Variants in SLC2A6 observed in about 807,000 individuals in gnomAD.
SLC2A6 encodes the protein solute carrier family 2 member 6, also known as solute carrier family 2, facilitated glucose transporter member 6.
A neutral mutation model predicts 47.8 loss-of-function variants in SLC2A6; 39 were observed. That is an observed-to-expected ratio of 0.82 (90% CI 0.63 to 1.07). The LOEUF (loss-of-function observed/expected upper bound fraction) is 1.07. SLC2A6 is among the 50% of genes least tolerant of loss of function. The pLI, the probability that SLC2A6 is intolerant of heterozygous loss-of-function variation, is 0.00. For missense variants in SLC2A6, 650 were observed against 707.6 expected, an observed-to-expected ratio of 0.92 and a Z score of 0.92; for synonymous variants, 346 against 324.1, an observed-to-expected ratio of 1.07 and a Z score of -0.73.
In SLC2A6 at chr9:133,479,098, C is replaced by T. The variant is rs782467223; in HGVS notation, c.-39G>A. The T allele has an allele frequency of 4.5e-5, 68 of 1,522,982 alleles. No individual in the cohort carries two copies. The Middle Eastern group carries it at 7.0e-4, about 16-fold the overall frequency. 94.3% of individuals were successfully genotyped at this position (1,522,982 alleles called of 1,614,324 possible). A position where few individuals can be genotyped will look rare whatever the true frequency, so the allele number is the denominator to read the frequency against. On this transcript the variant is annotated 5_prime_UTR_variant, in exon 1 of 10. Coordinates refer to ENST00000371899, the MANE Select transcript of SLC2A6 (RefSeq NM_017585.4). ...TCGGGGCGAGCGGAGGGCGCTCAGA[C>T]TGGAGCAGCCGCCCGGGGCCAGCAG...
In SLC2A6 at chr9:133,477,035, C is replaced by T. The variant is rs1188181133; in HGVS notation, c.462G>A (p.Pro154=). Residue 154 remains proline, a splice_region_variant and synonymous_variant, in exon 3 of 10, where the codon CCG becomes CCA. Coordinates refer to ENST00000371899, the MANE Select transcript of SLC2A6 (RefSeq NM_017585.4). ...CCTGGGTGGGAAGGCCTGGCCTTAC[C>T]GGGATGCAGGCAGCTGTGAGCCCCC... ...FAGGLTAACI[P]VYVSEIAPPG... The T allele has an allele frequency of 3.0e-5, 46 of 1,547,234 alleles. No homozygotes were observed. The highest frequency in any genetic ancestry group is 3.8e-5 in the Non-Finnish European group (43 of 1,146,480).
In SLC2A6 at chr9:133,476,226, G is replaced by T; in HGVS notation, c.562+11C>A. On this transcript the variant is annotated intron_variant, in intron 4 of 9. Coordinates refer to ENST00000371899, the MANE Select transcript of SLC2A6 (RefSeq NM_017585.4). Reference sequence around the variant, plus strand: ...ACCAGCCTGCACACAGGAGTGCGGGGCCATACTTGCCAAGGGCGTAGAGGG... The same window carrying T: ...ACCAGCCTGCACACAGGAGTGCGGGTCCATACTTGCCAAGGGCGTAGAGGG... 6.2e-7 allele frequency: 1 copy of T among 1,605,614 alleles called. No individual in the cohort carries two copies. Among genetic ancestry groups the T allele is most frequent in the Non-Finnish European group, 8.5e-7 (1 of 1,173,646 alleles).
intron 7 of SLC2A6, 67 bp downstream of exon 7, chr9:133,473,913 G>C (rs1843835927): frequency 1.2e-5 from 16 of 1,282,730 alleles, no homozygotes; most frequent in Middle Eastern, 2.5e-4. Context: ...AGGCAGGCCT[G>C]CACACCCAGC....
intron 9 of SLC2A6, among the ~76,000 whole-genome samples, chr9:133,472,683 T>C (rs1554801981): frequency 6.6e-6 from 1 of 152,176 alleles, no homozygotes; most frequent in African/African-American, 2.4e-5. Flanking sequence ...TCACAGATTC[T>C]GGCTGGTCAC....
chr9:133,477,186 T>C lies in SLC2A6; in HGVS notation c.311A>G (p.Asp104Gly). The part of the protein sequence containing the change: ...AGGLSAMILN[D>G]LLGRKLSIMF... ...GATGCTCAGCTTCCGGCCCAGGAGG[T>C]CGTTGAGGATCATGGCACTCAGGCC... The change falls in exon 3 of 10, where the codon GAC becomes GGC. Residue 104 changes from aspartate to glycine, a missense_variant. By Grantham distance (94) the Asp-to-Gly change is moderately conservative. Coordinates refer to ENST00000371899, the MANE Select transcript of SLC2A6 (RefSeq NM_017585.4). 1 of 1,550,508 alleles carries C rather than the reference T, an allele frequency of 6.4e-7. No individual in the cohort carries two copies. Among genetic ancestry groups the C allele is most frequent in the Non-Finnish European group, 8.7e-7 (1 of 1,147,102 alleles).
intron 1 of SLC2A6, 42 bp downstream of exon 1, chr9:133,478,925 AC>A: frequency 1.3e-6 from 2 of 1,495,838 alleles, no homozygotes; most frequent in East Asian, 2.6e-5. Flanking sequence ...AACCAGGGCC[AC>A]CCCCAGGCCC....
At position 133,471,770 on chromosome 9, in the gene SLC2A6, T is replaced by C. The variant is rs1843721999; in HGVS notation, c.*251A>G. The C allele has an allele frequency of 2.1e-6, 1 of 472,828 alleles. No individual in the cohort carries two copies. Among genetic ancestry groups the C allele is most frequent in the East Asian group, 3.4e-5 (1 of 29,556 alleles). 29.3% of individuals were successfully genotyped at this position (472,828 alleles called of 1,614,324 possible). A position where few individuals can be genotyped will look rare whatever the true frequency, so the allele number is the denominator to read the frequency against. On this transcript the variant is annotated 3_prime_UTR_variant, in exon 10 of 10. Coordinates refer to ENST00000371899, the MANE Select transcript of SLC2A6 (RefSeq NM_017585.4). ...CAGGGCCGTGTCCCTGGATGCAGGGTTGTATGCACTCCTGCGGCCCATGGC... is the reference window on the plus strand; with the variant it reads ...CAGGGCCGTGTCCCTGGATGCAGGGCTGTATGCACTCCTGCGGCCCATGGC...
chr9:133,478,772 C>T (rs2067762642), intron 1 of SLC2A6, 196 bp downstream of exon 1: 2 of 595,978 alleles, frequency 3.4e-6, no homozygotes, highest in Non-Finnish European at 5.8e-6. Context: ...GGGCCCGGTA[C>T]TCTCGTGGAT....
chr9:133,477,350 G>C, intron 2 of SLC2A6, 109 bp from the exon 3 acceptor site: 1 of 1,079,700 alleles, frequency 9.3e-7, no homozygotes, highest in Non-Finnish European at 1.3e-6. Flanking sequence ...AGCTGGTCAA[G>C]CACTTGGCCA....
At chr9:133,473,391 C>T in intron 8 of SLC2A6, 24 bp downstream of exon 8, 1 of 1,567,712 alleles carries the variant, frequency 6.4e-7, no homozygotes, top group African/African-American at 1.3e-5. Flanking sequence ...ACAGCCTGCC[C>T]CTCTGAGCCA....
chr9:133,478,914 G>A, intron 1 of SLC2A6, 54 bp downstream of exon 1: 3 of 1,479,808 alleles, frequency 2.0e-6, no homozygotes, highest in Non-Finnish European at 2.7e-6. Flanking sequence ...CGGCTGGAGG[G>A]AACCAGGGCC....
chr9:133,471,673 A>G lies in SLC2A6; in HGVS notation c.*348T>C. ...TGGCTGCCTCCAGCCCTGTCCTCTCAGTCCTCCCCGTAGCCTTCTGTGGGG... is the reference window on the plus strand; with the variant it reads ...TGGCTGCCTCCAGCCCTGTCCTCTCGGTCCTCCCCGTAGCCTTCTGTGGGG... On this transcript the variant is annotated 3_prime_UTR_variant, in exon 10 of 10. Coordinates refer to ENST00000371899, the MANE Select transcript of SLC2A6 (RefSeq NM_017585.4). The G allele has an allele frequency of 8.8e-6, 2 of 227,048 alleles. No individual in the cohort carries two copies. Among genetic ancestry groups the G allele is most frequent in the Non-Finnish European group, 1.7e-5 (2 of 114,948 alleles). 14.1% of individuals were successfully genotyped at this position (227,048 alleles called of 1,614,324 possible).
rs1843838310 is a variant in SLC2A6 at position 133,473,948 on chromosome 9, TGGGGCAGGAGGGC to T, written c.1036+19_1036+31del. The stretch of plus-strand genomic sequence containing the variant: ...CCCAGCCCTGACCCATGCGGAGGAG[TGGGGCAGGAGGGC>T]TGCCTGCAGGGTGCTTACCTGAGAC... On this transcript the variant is annotated intron_variant, in intron 7 of 9. Coordinates refer to ENST00000371899, the MANE Select transcript of SLC2A6 (RefSeq NM_017585.4). The T allele has an allele frequency of 6.6e-7, 1 of 1,517,352 alleles. No homozygotes were observed. The highest frequency in any genetic ancestry group is 1.4e-5 in the African/African-American group (1 of 73,240). 94.0% of individuals were successfully genotyped at this position (1,517,352 alleles called of 1,614,324 possible). A position where few individuals can be genotyped will look rare whatever the true frequency, so the allele number is the denominator to read the frequency against.
Position 133,475,513 on chromosome 9 carries a change from G to C in SLC2A6, c.661C>G (p.Leu221Val). The C allele has an allele frequency of 6.2e-7, 1 of 1,611,424 alleles. No individual in the cohort carries two copies. Among genetic ancestry groups the C allele is most frequent in the Non-Finnish European group, 8.5e-7 (1 of 1,179,894 alleles). Residue 221 changes from leucine to valine, a missense_variant, in exon 5 of 10, where the codon CTG becomes GTG. Physicochemically the swap from Leu to Val is conservative, Grantham distance 32 (BLOSUM62 1). Transcript: ENST00000371899. ...LSFMPNSPRF[L>V]LSRGRDEEAL... ...TCTTCGTCCCTGCCCCGAGAGAGCA[G>C]GAAGCGCGGCGAGTTGGGCATGAAG...
intron 6 of SLC2A6, 42 bp from the exon 7 acceptor site, chr9:133,474,130 G>A (rs781818110): frequency 6.7e-6 from 10 of 1,490,092 alleles, no homozygotes; most frequent in Non-Finnish European, 9.1e-6. Flanking sequence ...CCTGCCTGCT[G>A]TTCCCATCCC....
chr9:133,475,773 T>C (rs1221570259), intron 4 of SLC2A6, among the ~76,000 whole-genome samples, 162 bp from the exon 5 acceptor site: 1 of 152,190 alleles, frequency 6.6e-6, no homozygotes, highest in Non-Finnish European at 1.5e-5. Flanking sequence ...GCTGCAGGGA[T>C]TGCTCAGCCC....
chr9:133,476,524 T>C, intron 3 of SLC2A6, 188 bp from the exon 4 acceptor site: 1 of 607,202 alleles, frequency 1.6e-6, no homozygotes, highest in South Asian at 2.0e-5. Context: ...TGTCCTCAGT[T>C]TCCCTAACTG....
At chr9:133,475,304 A>C in intron 5 of SLC2A6, 96 bp downstream of exon 5, 1 of 1,400,084 alleles carries the variant, frequency 7.1e-7, no homozygotes, top group South Asian at 1.4e-5. Context: ...AGTGGGAACT[A>C]CTGTGGTCCT....
In SLC2A6 at chr9:133,471,928, G is replaced by A. The variant is rs992275309; in HGVS notation, c.*93C>T. On this transcript the variant is annotated 3_prime_UTR_variant, in exon 10 of 10. Transcript: ENST00000371899. ...CTGTGCTCTGGCTGGTGGCAGGGATGACTGCTGCCTCTTGGTCCCAGGGTG... is the reference window on the plus strand; with the variant it reads ...CTGTGCTCTGGCTGGTGGCAGGGATAACTGCTGCCTCTTGGTCCCAGGGTG... The A allele has an allele frequency of 1.4e-6, 2 of 1,427,936 alleles. No homozygotes were observed. The highest frequency in any genetic ancestry group is 1.9e-6 in the Non-Finnish European group (2 of 1,050,068). 88.5% of individuals were successfully genotyped at this position (1,427,936 alleles called of 1,614,324 possible).
Sources: gnomAD v4.1 joint callset for allele counts (sites outside exome capture counted in the v4.1 genomes callset) on GRCh38, gnomAD v4.1.1 for gene constraint, MANE v1.5 for transcripts, NCBI Gene and HGNC (gene_info 2026-07-23, HGNC 2026-07-21) for gene names.